PARD3B: variants seen among roughly 807,000 people sequenced by gnomAD.
PARD3B encodes the protein partitioning defective 3 homolog B.
PARD3B carries 103 observed loss-of-function variants against 130.2 expected under a neutral mutation model. The ratio of observed to expected loss-of-function variants is 0.79; its 90% CI spans 0.67 to 0.93. The LOEUF (loss-of-function observed/expected upper bound fraction) is 0.93. Ranked by LOEUF, PARD3B falls within the 40% of genes least tolerant of loss-of-function variation. The probability of loss-of-function intolerance (pLI) is 0.00; values close to 1 mark genes in which losing one functional copy is unlikely to be tolerated. For missense variants in PARD3B, 1,609 were observed against 1,499.2 expected, an observed-to-expected ratio of 1.07 and a Z score of -1.21; for synonymous variants, 583 against 553.2, an observed-to-expected ratio of 1.05 and a Z score of -0.76.
At chr2:205,578,375 C>T (rs910074232) in intron 22 of PARD3B, among the ~76,000 whole-genome samples, 2 of 152,102 alleles carry the variant, frequency 1.3e-5, no homozygotes, top group African/African-American at 4.8e-5. Flanking sequence ...AACAAGATCC[C>T]CCCCAAAAAA....
At chr2:204,607,658 T>C (rs1281629148) in intron 1 of PARD3B, among the ~76,000 whole-genome samples, 1 of 151,992 alleles carries the variant, frequency 6.6e-6, no homozygotes, top group Non-Finnish European at 1.5e-5. Flanking sequence ...AACAAAGGAT[T>C]TGGGAATCAA....
intron 19 of PARD3B, among the ~76,000 whole-genome samples, chr2:205,424,609 A>G (rs546693685): frequency 6.6e-6 from 1 of 152,206 alleles, no homozygotes; most frequent in Non-Finnish European, 1.5e-5. Context: ...TCCAGGTGAC[A>G]GAATGGAAAG....
Position 205,349,750 on chromosome 2 carries a change from A to G in PARD3B, c.2630+48049A>G, listed in dbSNP as rs138443977. 9.3e-3 allele frequency among the ~76,000 whole-genome samples: 1,412 copies of G among 151,666 alleles called. 8 individuals are homozygous for G. Among genetic ancestry groups the G allele is most frequent in the East Asian group, 0.063 (326 of 5,160 alleles). On this transcript the variant is annotated intron_variant, in intron 18 of 22. Coordinates refer to ENST00000406610, the MANE Select transcript of PARD3B (RefSeq NM_001302769.2). ...CTAGTAATAAAATATAATATTAGGA[A>G]GGAAATATGTTAGCCAAAAAAGGAA...
At chr2:204,877,162 A>G (rs376525306) in intron 2 of PARD3B, among the ~76,000 whole-genome samples, 3 of 152,118 alleles carry the variant, frequency 2.0e-5, no homozygotes, top group Admixed American at 1.3e-4. Context: ...CGAACACCGC[A>G]TGTTCTCACT....
intron 16 of PARD3B, among the ~76,000 whole-genome samples, chr2:205,294,058 C>T (rs750060753): frequency 2.6e-5 from 4 of 152,060 alleles, no homozygotes; most frequent in Non-Finnish European, 5.9e-5. Context: ...CTTCTGGAGA[C>T]CAATGCTGTG....
intron 2 of PARD3B, among the ~76,000 whole-genome samples, chr2:204,889,327 G>A (rs2046368894): frequency 6.6e-6 from 1 of 152,114 alleles, no homozygotes; most frequent in African/African-American, 2.4e-5. Flanking sequence ...AGCTTTTATA[G>A]AGAATGCCCT....
rs111470905 is a variant in PARD3B at position 204,977,536 on chromosome 2, G to A, written c.394+12213G>A. Among the ~76,000 whole-genome samples the A allele has an allele frequency of 7.3e-3, 1,108 of 152,154 alleles. 17 individuals are homozygous for A. The highest frequency in any genetic ancestry group is 0.023 in the African/African-American group (948 of 41,514). ...AATAGGGAGCCTTGGTAGGCCGGGC[G>A]CGGTGGCTCACGCCTGTAATCCCAG... is the stretch of plus-strand genomic sequence containing the variant. On this transcript the variant is annotated intron_variant, in intron 3 of 22. Coordinates refer to ENST00000406610, the MANE Select transcript of PARD3B (RefSeq NM_001302769.2).
At position 204,861,216 on chromosome 2, in the gene PARD3B, T is replaced by TCTC. The variant is rs2045185079; in HGVS notation, c.223-103936_223-103935insCTC. 2.6e-5 allele frequency among the ~76,000 whole-genome samples: 3 copies of TCTC among 114,546 alleles called. No homozygotes were observed. The East Asian group carries it at 1.1e-3, about 43-fold the overall frequency. The allele number at this position is 114,546 out of a possible 152,430, so 75.1% of individuals were successfully genotyped here. The stretch of plus-strand genomic sequence containing the variant: ...TCTCTCTCTCTCTCTCTCTCTCTCG[T>TCTC]ACCTCTTATTTGATATTGTGTTTCC... On this transcript the variant is annotated intron_variant, in intron 2 of 22. Coordinates refer to ENST00000406610, the MANE Select transcript of PARD3B (RefSeq NM_001302769.2).
At chr2:204,797,245 A>G (rs1432554675) in intron 2 of PARD3B, among the ~76,000 whole-genome samples, 1 of 151,992 alleles carries the variant, frequency 6.6e-6, no homozygotes, top group Non-Finnish European at 1.5e-5. Flanking sequence ...ATGGATTAGT[A>G]TATCATTAAT....
chr2:205,283,811 T>C (rs1423877400), intron 16 of PARD3B, among the ~76,000 whole-genome samples: 1 of 152,224 alleles, frequency 6.6e-6, no homozygotes, highest in Non-Finnish European at 1.5e-5. Flanking sequence ...AGCCAGCTTT[T>C]ACTGTACCAG....
At chr2:205,554,935 C>T (rs957076097) in intron 22 of PARD3B, among the ~76,000 whole-genome samples, 5 of 151,988 alleles carry the variant, frequency 3.3e-5, no homozygotes, top group Non-Finnish European at 7.4e-5. Context: ...GGCTGGGGTG[C>T]GGGAGGTGCA....
chr2:205,215,633 A>T lies in PARD3B; in HGVS notation c.2140+22313A>T, dbSNP rs1051169871. 8.5e-5 allele frequency among the ~76,000 whole-genome samples: 13 copies of T among 152,154 alleles called. No individual in the cohort carries two copies. The South Asian group carries it at 1.7e-3, about 19-fold the overall frequency. ...GATATTATATTGGCAAACATTGGCA[A>T]ATGCTGAAATATATATGTTCCAGTG... On this transcript the variant is annotated intron_variant, in intron 15 of 22. Transcript: ENST00000406610.
At chr2:204,861,208 CTCTCTCGT>C (rs1472070185) in intron 2 of PARD3B, among the ~76,000 whole-genome samples, 3 of 126,846 alleles carry the variant, frequency 2.4e-5, no homozygotes, top group Admixed American at 7.7e-5. Flanking sequence ...CTCTCTCTCT[CTCTCTCGT>C]ACCTCTTATT....
intron 3 of PARD3B, among the ~76,000 whole-genome samples, chr2:205,038,780 T>G (rs961290191): frequency 1.3e-5 from 2 of 152,166 alleles, no homozygotes; most frequent in African/African-American, 4.8e-5. Flanking sequence ...ACAAACATGG[T>G]TTTTGCAATC....
Position 205,616,182 on chromosome 2 carries a change from G to T in PARD3B, c.*369G>T. 1 of 193,980 alleles carries T rather than the reference G, an allele frequency of 5.2e-6. No homozygotes were observed. The highest frequency in any genetic ancestry group is 1.0e-5 in the Non-Finnish European group (1 of 96,210). 12.0% of individuals were successfully genotyped at this position (193,980 alleles called of 1,614,324 possible). Reference sequence around the variant, plus strand: ...ACCTGTGCTGATGTGCAGACACGTGGACATCCCCCTCTGAGACTGGCGGTC... The same window carrying T: ...ACCTGTGCTGATGTGCAGACACGTGTACATCCCCCTCTGAGACTGGCGGTC... On this transcript the variant is annotated 3_prime_UTR_variant, in exon 23 of 23. Coordinates refer to ENST00000406610, the MANE Select transcript of PARD3B (RefSeq NM_001302769.2).
At chr2:204,686,948 C>T (rs10932082) in intron 2 of PARD3B, among the ~76,000 whole-genome samples, 1 of 152,256 alleles carries the variant, frequency 6.6e-6, no homozygotes, top group East Asian at 1.9e-4. Context: ...AGGTTTAATA[C>T]TACAGGTTTG....
intron 2 of PARD3B, among the ~76,000 whole-genome samples, chr2:204,838,067 AG>A (rs2044117373): frequency 7.2e-6 from 1 of 138,708 alleles, no homozygotes; most frequent in Non-Finnish European, 1.7e-5. Context: ...TAAGTGCTGT[AG>A]AAGAGTGATC....
intron 11 of PARD3B, among the ~76,000 whole-genome samples, chr2:205,170,118 C>T (rs572194308): frequency 1.3e-5 from 2 of 152,046 alleles, no homozygotes; most frequent in South Asian, 2.1e-4. Flanking sequence ...TAAGTAGAGA[C>T]GGGGTTTCTC....
chr2:204,869,737 C>T (rs1430692731), intron 2 of PARD3B, among the ~76,000 whole-genome samples: 3 of 151,822 alleles, frequency 2.0e-5, no homozygotes, highest in Non-Finnish European at 4.4e-5. Context: ...TCAAAGAATA[C>T]TGAAAACAGG....
Sources: allele counts gnomAD v4.1 joint callset (sites outside exome capture counted in the v4.1 genomes callset), GRCh38; gene constraint gnomAD v4.1.1; transcripts MANE v1.5; gene names NCBI Gene and HGNC (gene_info 2026-07-23, HGNC 2026-07-21).